PCDHGA6: variants seen among roughly 807,000 people sequenced by gnomAD.
The protein encoded by PCDHGA6 is protocadherin gamma subfamily A, 6.
In PCDHGA6, 41 loss-of-function variants were observed where a neutral mutation model predicts 60.6. That is an observed-to-expected ratio of 0.68 (90% CI 0.53 to 0.88). The LOEUF (loss-of-function observed/expected upper bound fraction) is 0.88. PCDHGA6 is among the 40% of genes least tolerant of loss of function. The pLI is 0.00. For missense variants in PCDHGA6, 1,312 were observed against 1,203.0 expected (o/e 1.09, Z -1.34); for synonymous variants, 594 against 524.4 (o/e 1.13, Z -1.81).
chr5:141,431,884 T>A lies in PCDHGA6; in HGVS notation c.2424+55377T>A. ...CCCTTTTAAATGTAAATGACCAAGA[T>A]TCTGAGGAAAACGGACAGGTGATCT... On this transcript the variant is annotated intron_variant, in intron 1 of 3. Transcript: ENST00000517434. This position sits in a 1 kb window ranked among gnomAD's most constrained non-coding sequence, Gnocchi z 4.8. 1.2e-6 allele frequency: 2 copies of A among 1,614,218 alleles called. No individual in the cohort carries two copies. Among genetic ancestry groups the A allele is most frequent in the Non-Finnish European group, 1.7e-6 (2 of 1,180,008 alleles).
intron 1 of PCDHGA6, chr5:141,393,501 G>C (rs754946327): frequency 1.9e-6 from 3 of 1,614,044 alleles, no homozygotes; most frequent in Non-Finnish European, 2.5e-6. Flanking sequence ...GCGCATCCAC[G>C]TGACAGTGTT....
intron 1 of PCDHGA6, chr5:141,478,305 C>T (rs775282798): frequency 2.5e-6 from 4 of 1,614,092 alleles, no homozygotes; most frequent in East Asian, 2.2e-5. Flanking sequence ...TACCGAGCCC[C>T]GGTGAGCTCA....
In PCDHGA6 at chr5:141,404,211, T is replaced by C. The variant is rs1423741415; in HGVS notation, c.2424+27704T>C. ...CGAGAAAAAGCCTCAGAATATAATATCACGGTGACTGCAACAGACAGAGGA... is the reference window on the plus strand; with the variant it reads ...CGAGAAAAAGCCTCAGAATATAATACCACGGTGACTGCAACAGACAGAGGA... On this transcript the variant is annotated intron_variant, in intron 1 of 3. Coordinates refer to ENST00000517434, the MANE Select transcript of PCDHGA6 (RefSeq NM_018919.3). 3 of 1,613,606 alleles carry C rather than the reference T, an allele frequency of 1.9e-6. No homozygotes were observed. The Admixed American group carries it at 5.0e-5, about 27-fold the overall frequency.
chr5:141,434,072 A>G lies in PCDHGA6; in HGVS notation c.2424+57565A>G, dbSNP rs558084143. On this transcript the variant is annotated intron_variant, in intron 1 of 3. Coordinates refer to ENST00000517434, the MANE Select transcript of PCDHGA6 (RefSeq NM_018919.3). ...CAATGGCCTGTAATCTGTTAATATC[A>G]ATTATTTATTTTGATGCTGAAATTG... Among the ~76,000 whole-genome samples the G allele has an allele frequency of 1.9e-3, 289 of 152,072 alleles. 1 individual carries two copies. Among genetic ancestry groups the G allele is most frequent in the African/African-American group, 6.7e-3 (276 of 41,486 alleles).
chr5:141,389,084 T>C (rs376665735), intron 1 of PCDHGA6: 12 of 1,613,880 alleles, frequency 7.4e-6, no homozygotes, highest in Admixed American at 1.7e-5. Flanking sequence ...GAAACACGTA[T>C]AAATTAGTGA....
At chr5:141,409,769 G>T (rs1413636372) in intron 1 of PCDHGA6, 3 of 1,612,776 alleles carry the variant, frequency 1.9e-6, no homozygotes, top group Middle Eastern at 1.7e-4. Flanking sequence ...CTTTGATCAC[G>T]AGCAGCTGCG....
Position 141,485,585 on chromosome 5 carries a change from C to G in PCDHGA6, c.2425-9222C>G, listed in dbSNP as rs373987810. The G allele has an allele frequency of 7.4e-6, 12 of 1,612,204 alleles. No individual in the cohort carries two copies. The highest frequency in any genetic ancestry group is 1.0e-5 in the Non-Finnish European group (12 of 1,178,590). On this transcript the variant is annotated intron_variant, in intron 1 of 3. Transcript: ENST00000517434. The surrounding 1 kb of genome is among the most constrained non-coding windows in gnomAD (Gnocchi z 5.7). ...CGCCCCCCGTTTTCCGCGGCAGCAG[C>G]TGGACTTGGAAATTGGGGAGGCAGC...
chr5:141,388,334 A>G (rs2091318945), intron 1 of PCDHGA6: 2 of 1,613,972 alleles, frequency 1.2e-6, no homozygotes, highest in South Asian at 1.1e-5. Flanking sequence ...AGCCTGGCAC[A>G]CGATTTATAT....
intron 1 of PCDHGA6, chr5:141,433,260 C>A: frequency 1.5e-6 from 2 of 1,352,308 alleles, no homozygotes; most frequent in South Asian, 1.4e-5. Flanking sequence ...GCGGTACGAT[C>A]ATAGCTCACT....
chr5:141,403,649 T>A, intron 1 of PCDHGA6: 7 of 1,613,874 alleles, frequency 4.3e-6, no homozygotes, highest in Non-Finnish European at 5.9e-6. Flanking sequence ...TGTGACAGTG[T>A]TGGATACAAA....
chr5:141,375,830 G>C lies in PCDHGA6; in HGVS notation c.1747G>C (p.Glu583Gln). The C allele has an allele frequency of 6.2e-7, 1 of 1,614,152 alleles. No homozygotes were observed. Among genetic ancestry groups the C allele is most frequent in the South Asian group, 1.1e-5 (1 of 91,076 alleles). ...TGVELAPRSA[E>Q]PGYLVTKVVA... ...CGTGGAGCTGGCGCCCCGCTCCGCA[G>C]AGCCCGGCTACCTGGTGACCAAGGT... Residue 583 changes from glutamate (E) to glutamine (Q), a missense_variant, in exon 1 of 4, where the codon GAG becomes CAG. Transcript: ENST00000517434.
At chr5:141,428,823 T>C (rs2097162740) in intron 1 of PCDHGA6, 1 of 152,274 alleles carries the variant, frequency 6.6e-6, no homozygotes, top group Non-Finnish European at 1.5e-5. Context: ...TTAGCTTTCA[T>C]GTATTTTTGA....
chr5:141,376,188 G>A lies in PCDHGA6; in HGVS notation c.2105G>A (p.Cys702Tyr), dbSNP rs1772391716. The change falls in exon 1 of 4, where the codon TGC becomes TAC. Residue 702 changes from cysteine to tyrosine, a missense_variant. Transcript: ENST00000517434. ...GTGGTGGCGGTGGCCGCGGTCTCCTGCGTCTTCCTGGCCTTCGTCATCGTG... is the reference window on the plus strand; with the variant it reads ...GTGGTGGCGGTGGCCGCGGTCTCCTACGTCTTCCTGGCCTTCGTCATCGTG... ...YLVVAVAAVSCVFLAFVIVLL... is the reference protein window; with the variant it reads ...YLVVAVAAVSYVFLAFVIVLL... The A allele has an allele frequency of 1.2e-6, 2 of 1,614,124 alleles. No homozygotes were observed. The highest frequency in any genetic ancestry group is 2.2e-5 in the South Asian group (2 of 91,074).
chr5:141,486,688 C>G lies in PCDHGA6; in HGVS notation c.2425-8119C>G, dbSNP rs748605515. On this transcript the variant is annotated intron_variant, in intron 1 of 3. Coordinates refer to ENST00000517434, the MANE Select transcript of PCDHGA6 (RefSeq NM_018919.3). This position sits in a 1 kb window ranked among gnomAD's most constrained non-coding sequence, Gnocchi z 5.0. ...CCAGGAATCGAGATGTATCAGCTTCCTCTTTCATCTCTCTGAACCCCCAGA... is the reference window on the plus strand; with the variant it reads ...CCAGGAATCGAGATGTATCAGCTTCGTCTTTCATCTCTCTGAACCCCCAGA... The G allele has an allele frequency of 1.2e-6, 2 of 1,614,170 alleles. No homozygotes were observed. The highest frequency in any genetic ancestry group is 8.5e-7 in the Non-Finnish European group (1 of 1,180,044).
intron 1 of PCDHGA6, chr5:141,378,088 T>C (rs1218204650): frequency 6.6e-6 from 1 of 152,252 alleles, no homozygotes; most frequent in Non-Finnish European, 1.5e-5. Flanking sequence ...TTATAACTTT[T>C]TTTCAAACTC....
rs115262984 is a variant in PCDHGA6 at position 141,463,089 on chromosome 5, C to T, written c.2425-31718C>T. ...AATGAAATTCAAACATTTTCCAGCC[C>T]TATGTGACCATCAAGAATTCAGCTA... On this transcript the variant is annotated intron_variant, in intron 1 of 3. Coordinates refer to ENST00000517434, the MANE Select transcript of PCDHGA6 (RefSeq NM_018919.3). Among the ~76,000 whole-genome samples the T allele has an allele frequency of 2.5e-3, 374 of 152,264 alleles. 2 individuals are homozygous for T. Among genetic ancestry groups the T allele is most frequent in the African/African-American group, 8.7e-3 (360 of 41,552 alleles).
intron 1 of PCDHGA6, among the ~76,000 whole-genome samples, chr5:141,436,491 T>G (rs546883133): frequency 6.6e-6 from 1 of 152,182 alleles, no homozygotes; most frequent in Non-Finnish European, 1.5e-5. Flanking sequence ...GATAGCAGCT[T>G]TGCAATTAGG....
At chr5:141,434,119 C>T (rs2097673106) in intron 1 of PCDHGA6, among the ~76,000 whole-genome samples, 1 of 152,180 alleles carries the variant, frequency 6.6e-6, no homozygotes, top group Non-Finnish European at 1.5e-5. Flanking sequence ...GCCTTTGGGA[C>T]TCCCTTTAGG....
chr5:141,450,916 C>T (rs1168320527), intron 1 of PCDHGA6, among the ~76,000 whole-genome samples: 1 of 151,580 alleles, frequency 6.6e-6, no homozygotes, highest in Admixed American at 6.6e-5. Flanking sequence ...CCGCTGCCTC[C>T]CAGATTCAAG....
Sources: gnomAD v4.1 joint callset for allele counts (sites outside exome capture counted in the v4.1 genomes callset) on GRCh38, gnomAD v4.1.1 for gene constraint, Gnocchi (gnomAD v3.1) non-coding constraint, MANE v1.5 for transcripts, NCBI Gene and HGNC (gene_info 2026-07-23, HGNC 2026-07-21) for gene names.